ARHGEF26: variants seen among roughly 807,000 people sequenced by gnomAD.
The protein encoded by ARHGEF26 is Rho guanine nucleotide exchange factor 26, also known as Rho guanine nucleotide exchange factor (GEF) 26.
ARHGEF26 carries 59 observed loss-of-function variants against 89.4 expected under a neutral mutation model. That is an observed-to-expected ratio of 0.66 (90% CI 0.54 to 0.82). ARHGEF26 has a LOEUF of 0.82. Ranked by LOEUF, ARHGEF26 falls within the 40% of genes least tolerant of loss-of-function variation. The pLI, the probability that ARHGEF26 is intolerant of heterozygous loss-of-function variation, is 0.00. For missense variants in ARHGEF26, 1,234 were observed against 1,085.6 expected (o/e 1.14, Z -1.92); for synonymous variants, 500 against 428.4 (o/e 1.17, Z -2.06).
Position 154,122,269 on chromosome 3 carries a change from A to T in ARHGEF26, c.277A>T (p.Asn93Tyr), listed in dbSNP as rs1717995612. The change falls in exon 2 of 15, where the codon AAT (asparagine) becomes TAT (tyrosine). Residue 93 changes from asparagine to tyrosine, a missense_variant. Physicochemically the swap from Asn to Tyr is moderately radical, Grantham distance 143. Transcript: ENST00000465093. ...LLGAQRRAVA[N>Y]GGTASPEYRA... is the part of the protein sequence containing the mutation. ...GGGCGCCCAGCGGAGAGCGGTGGCC[A>T]ATGGTGGGACGGCATCCCCGGAGTA... 6.2e-7 allele frequency: 1 copy of T among 1,612,394 alleles called. No homozygotes were observed. Among genetic ancestry groups the T allele is most frequent in the Non-Finnish European group, 8.5e-7 (1 of 1,179,696 alleles).
chr3:154,136,578 T>C (rs1424115238), intron 4 of ARHGEF26, among the ~76,000 whole-genome samples: 1 of 152,224 alleles, frequency 6.6e-6, no homozygotes, highest in African/African-American at 2.4e-5. Flanking sequence ...TGGGACTTAT[T>C]ATTTTAGAAT....
chr3:154,183,236 G>C (rs1713293159), intron 6 of ARHGEF26, among the ~76,000 whole-genome samples: 1 of 152,112 alleles, frequency 6.6e-6, no homozygotes, highest in Non-Finnish European at 1.5e-5. Context: ...AATGTTTCTA[G>C]GCAGCTTTTC....
intron 10 of ARHGEF26, among the ~76,000 whole-genome samples, chr3:154,219,040 A>T (rs745929376): frequency 6.6e-6 from 1 of 152,218 alleles, no homozygotes; most frequent in Non-Finnish European, 1.5e-5. Context: ...AACCAGACAC[A>T]CATGCACACA....
In ARHGEF26 at chr3:154,255,729, T is replaced by A; in HGVS notation, c.*256T>A. The A allele has an allele frequency of 7.8e-7, 1 of 1,275,304 alleles. No homozygotes were observed. Among genetic ancestry groups the A allele is most frequent in the East Asian group, 3.3e-5 (1 of 30,658 alleles). 79.0% of individuals were successfully genotyped at this position (1,275,304 alleles called of 1,614,324 possible). A position where few individuals can be genotyped will look rare whatever the true frequency, so the allele number is the denominator to read the frequency against. On this transcript the variant is annotated 3_prime_UTR_variant, in exon 15 of 15. Transcript: ENST00000465093. ...ACACAGAATAGCTGAGCAGTTCACT[T>A]CAGGGATCAGGTCATCTCTGCTCCT...
intron 6 of ARHGEF26, among the ~76,000 whole-genome samples, chr3:154,184,886 C>T (rs1236557521): frequency 3.3e-5 from 5 of 152,214 alleles, no homozygotes; most frequent in African/African-American, 1.2e-4. Flanking sequence ...CTCAGCCCTG[C>T]TCTGCAGTCT....
At chr3:154,247,692 C>A (rs1197340534) in intron 12 of ARHGEF26, among the ~76,000 whole-genome samples, 1 of 152,130 alleles carries the variant, frequency 6.6e-6, no homozygotes, top group Non-Finnish European at 1.5e-5. Flanking sequence ...TATTTACTGC[C>A]CTTTTTGTTA....
At chr3:154,160,807 G>T (rs1045664577) in intron 6 of ARHGEF26, among the ~76,000 whole-genome samples, 1 of 152,150 alleles carries the variant, frequency 6.6e-6, no homozygotes, top group African/African-American at 2.4e-5. Context: ...TAGGTTAAAG[G>T]TAATTCCTAG....
intron 4 of ARHGEF26, among the ~76,000 whole-genome samples, chr3:154,139,660 GTGGT>G (rs1719238312): frequency 6.6e-6 from 1 of 152,136 alleles, no homozygotes; most frequent in African/African-American, 2.4e-5. Flanking sequence ...CATCCACACA[GTGGT>G]TGGTCTCCAT....
intron 12 of ARHGEF26, among the ~76,000 whole-genome samples, chr3:154,245,017 G>A (rs1190059583): frequency 6.6e-6 from 1 of 152,052 alleles, no homozygotes; most frequent in East Asian, 1.9e-4. Flanking sequence ...TAAGTCCAAA[G>A]ACTTTATTAT....
At chr3:154,216,017 AG>A (rs2108242107) in intron 9 of ARHGEF26, among the ~76,000 whole-genome samples, 1 of 152,220 alleles carries the variant, frequency 6.6e-6, no homozygotes, top group East Asian at 1.9e-4. Context: ...TATATAACAT[AG>A]GAAAAAAAGA....
intron 12 of ARHGEF26, among the ~76,000 whole-genome samples, chr3:154,244,582 A>G (rs1395746408): frequency 6.6e-6 from 1 of 152,138 alleles, no homozygotes; most frequent in Non-Finnish European, 1.5e-5. Flanking sequence ...GAAATTATGA[A>G]TGATACTCTT....
Position 154,256,399 on chromosome 3 carries a change from T to G in ARHGEF26, c.*926T>G. On this transcript the variant is annotated 3_prime_UTR_variant, in exon 15 of 15. Transcript: ENST00000465093. ...CACCACGCCCAGCTACTTTTTGTATTTTTAGTAGAGACAGGGTTTCATCAT... is the reference window on the plus strand; with the variant it reads ...CACCACGCCCAGCTACTTTTTGTATGTTTAGTAGAGACAGGGTTTCATCAT... 1 of 765,446 alleles carries G rather than the reference T, an allele frequency of 1.3e-6. No individual in the cohort carries two copies. The highest frequency in any genetic ancestry group is 1.6e-6 in the Non-Finnish European group (1 of 630,792). 47.4% of individuals were successfully genotyped at this position (765,446 alleles called of 1,614,324 possible).
At chr3:154,170,119 T>C (rs557197417) in intron 6 of ARHGEF26, among the ~76,000 whole-genome samples, 3 of 151,742 alleles carry the variant, frequency 2.0e-5, no homozygotes, top group Admixed American at 1.3e-4. Context: ...CTCAGCACTT[T>C]GCGAGGCCAA....
At chr3:154,252,332 G>T (rs1390012637) in intron 12 of ARHGEF26, among the ~76,000 whole-genome samples, 3 of 152,134 alleles carry the variant, frequency 2.0e-5, no homozygotes, top group African/African-American at 7.2e-5. Flanking sequence ...TGTAGCATGT[G>T]TTTAATAAAT....
intron 6 of ARHGEF26, chr3:154,187,093 T>C (rs1576753055): frequency 4.5e-6 from 1 of 221,920 alleles, no homozygotes; most frequent in South Asian, 1.6e-4. Flanking sequence ...CGTTTCACCA[T>C]GTTGGCCAGG....
intron 6 of ARHGEF26, among the ~76,000 whole-genome samples, chr3:154,164,780 C>T (rs529398844): frequency 6.6e-6 from 1 of 152,242 alleles, no homozygotes; most frequent in South Asian, 2.1e-4. Flanking sequence ...ATATTTGATA[C>T]ACACTACTTA....
intron 10 of ARHGEF26, among the ~76,000 whole-genome samples, chr3:154,218,704 A>T (rs552790314): frequency 1.3e-5 from 2 of 152,360 alleles, no homozygotes; most frequent in East Asian, 3.9e-4. Flanking sequence ...AGTGATCAGC[A>T]TTTCATGGTA....
At chr3:154,217,324 A>T (rs1715825323) in intron 9 of ARHGEF26, among the ~76,000 whole-genome samples, 1 of 151,644 alleles carries the variant, frequency 6.6e-6, no homozygotes. Context: ...TTGGCTGCAT[A>T]AATGTCTTCT....
chr3:154,210,946 CAA>C (rs879368701), intron 9 of ARHGEF26, among the ~76,000 whole-genome samples: 2 of 139,630 alleles, frequency 1.4e-5, no homozygotes. Context: ...GTCCCCCCAC[CAA>C]AAAAAAAAAA....
Sources: gnomAD v4.1 joint callset for allele counts (sites outside exome capture counted in the v4.1 genomes callset) on GRCh38, gnomAD v4.1.1 for gene constraint, MANE v1.5 for transcripts, NCBI Gene and HGNC (gene_info 2026-07-23, HGNC 2026-07-21) for gene names.